The following SLC43A1 variants were observed in gnomAD, a reference collection of about 807,000 sequenced individuals.
SLC43A1 encodes the protein solute carrier family 43 member 1, also known as large neutral amino acids transporter small subunit 3.
In SLC43A1, 31 loss-of-function variants were observed where a neutral mutation model predicts 59.5. That is an observed-to-expected ratio of 0.52 (90% CI 0.39 to 0.70). The LOEUF (loss-of-function observed/expected upper bound fraction) is 0.70, where lower values mean the gene tolerates loss of function less well. SLC43A1 is among the 30% of genes least tolerant of loss of function. The probability of loss-of-function intolerance (pLI) is 0.00; values close to 1 mark genes in which losing one functional copy is unlikely to be tolerated. For synonymous variants in SLC43A1, 259 were observed against 290.9 expected (o/e 0.89, Z 1.12); for missense variants, 598 against 717.8 (o/e 0.83, Z 1.91).
At chr11:57,511,221 C>T (rs552486637) in intron 2 of SLC43A1, among the ~76,000 whole-genome samples, 8 of 151,992 alleles carry the variant, frequency 5.3e-5, no homozygotes, top group Non-Finnish European at 1.0e-4. Flanking sequence ...CCCAGGAGTT[C>T]GAGACCAGTC....
At chr11:57,503,496 G>C (rs1436495301) in intron 2 of SLC43A1, among the ~76,000 whole-genome samples, 1 of 151,860 alleles carries the variant, frequency 6.6e-6, no homozygotes, top group Non-Finnish European at 1.5e-5. Context: ...GCTACTTTTT[G>C]TATTTTTTGT....
intron 14 of SLC43A1, 91 bp from the exon 15 acceptor site, chr11:57,485,333 G>T: frequency 8.1e-7 from 1 of 1,239,416 alleles, no homozygotes; most frequent in Non-Finnish European, 1.1e-6. Context: ...TTTTTCTCCA[G>T]GTCCTGAGCC....
At chr11:57,492,051 A>G (rs1943921539) in intron 8 of SLC43A1, among the ~76,000 whole-genome samples, 189 bp from the exon 9 acceptor site, 1 of 151,948 alleles carries the variant, frequency 6.6e-6, no homozygotes, top group Admixed American at 6.6e-5. Flanking sequence ...ACATTTTTGG[A>G]TGTATGTCCT....
At chr11:57,513,260 C>A (rs999455192) in intron 2 of SLC43A1, among the ~76,000 whole-genome samples, 9 of 152,230 alleles carry the variant, frequency 5.9e-5, no homozygotes, top group African/African-American at 2.2e-4. Context: ...CATTTCCACC[C>A]AGCTCCTGAG....
intron 2 of SLC43A1, 190 bp from the exon 3 acceptor site, chr11:57,501,519 T>C (rs1944267708): frequency 1.7e-6 from 1 of 605,004 alleles, no homozygotes; most frequent in East Asian, 2.8e-5. Context: ...CCTGGGAGAG[T>C]CTTGTGCACA....
In SLC43A1 at chr11:57,515,701, G is replaced by A. The variant is rs1944673292; in HGVS notation, c.-271C>T. 1 of 152,302 alleles carries A rather than the reference G, an allele frequency of 6.6e-6. No individual in the cohort carries two copies. The highest frequency in any genetic ancestry group is 2.4e-5 in the African/African-American group (1 of 41,464). 9.4% of individuals were successfully genotyped at this position (152,302 alleles called of 1,614,324 possible). ...GTCTGCGAAGCTGGGCTTGGATGAAGTGGATCTGCGGAGTTGATAGTTGTA... is the reference window on the plus strand; with the variant it reads ...GTCTGCGAAGCTGGGCTTGGATGAAATGGATCTGCGGAGTTGATAGTTGTA... On this transcript the variant is annotated 5_prime_UTR_variant, in exon 1 of 15. Transcript: ENST00000278426. This position sits in a 1 kb window ranked among gnomAD's most constrained non-coding sequence, Gnocchi z 5.3.
At chr11:57,487,367 A>G in intron 13 of SLC43A1, 149 bp from the exon 14 acceptor site, 1 of 992,714 alleles carries the variant, frequency 1.0e-6, no homozygotes. Context: ...TTTGGTCCCC[A>G]GCCTTGAGGG....
At chr11:57,492,093 G>A (rs889721951) in intron 8 of SLC43A1, among the ~76,000 whole-genome samples, 1 of 151,990 alleles carries the variant, frequency 6.6e-6, no homozygotes, top group Non-Finnish European at 1.5e-5. Flanking sequence ...ACTCAGTTAG[G>A]TGCCATGGCT....
chr11:57,488,839 G>C, intron 13 of SLC43A1, 77 bp downstream of exon 13: 1 of 1,242,536 alleles, frequency 8.0e-7, no homozygotes, highest in East Asian at 2.3e-5. Context: ...GATGCCTGGG[G>C]CCCTCCCAAC....
chr11:57,491,245 C>A lies in SLC43A1; in HGVS notation c.1172G>T (p.Gly391Val). 2 of 1,596,696 alleles carry A rather than the reference C, an allele frequency of 1.3e-6. No individual in the cohort carries two copies. The highest frequency in any genetic ancestry group is 1.7e-6 in the Non-Finnish European group (2 of 1,170,034). Residue 391 changes from glycine to valine, a missense_variant, in exon 11 of 15, where the codon GGC becomes GTC. Physicochemically the swap from Gly to Val is moderately radical, Grantham distance 109. Transcript: ENST00000278426. ...IKDCVDAPTQGTVLGDARDGV... is the reference protein window; with the variant it reads ...IKDCVDAPTQVTVLGDARDGV... ...TCACCTGGCATCTCCGAGGACAGTG[C>A]CCTGAGTTGGGGCGTCCACGCAGTC...
At chr11:57,486,498 CAA>C (rs757132282) in intron 14 of SLC43A1, among the ~76,000 whole-genome samples, 2 of 114,050 alleles carry the variant, frequency 1.8e-5, no homozygotes, top group Non-Finnish European at 1.9e-5. Flanking sequence ...ACCTTCTCTA[CAA>C]AAAAAAAAAA....
chr11:57,497,881 A>C, intron 5 of SLC43A1, 36 bp from the exon 6 acceptor site: 1 of 1,538,770 alleles, frequency 6.5e-7, no homozygotes, highest in South Asian at 1.1e-5. Context: ...AGGTGGGGAC[A>C]CCGTGACCCT....
rs749771090 is a variant in SLC43A1, at chr11:57,497,745, C to T, written c.558+8G>A. ...CAAGACAAAAAGAAAACCCAGGTGG[C>T]CTCATACCTTGATTCCTGGGAACGT... is the stretch of plus-strand genomic sequence containing the variant. On this transcript the variant is annotated splice_region_variant and intron_variant, in intron 6 of 14. Coordinates refer to ENST00000278426, the MANE Select transcript of SLC43A1 (RefSeq NM_003627.6). 1 of 1,610,800 alleles carries T rather than the reference C, an allele frequency of 6.2e-7. No individual in the cohort carries two copies. Among genetic ancestry groups the T allele is most frequent in the Non-Finnish European group, 8.5e-7 (1 of 1,177,510 alleles).
Position 57,501,349 on chromosome 11 carries a change from G to A in SLC43A1, c.155-20C>T. Reference sequence around the variant, plus strand: ...TCTCAGCTGAGGAGGGGGAAGGGAGGGCTCAGCACATGACACCAGGAACAG... The same window carrying A: ...TCTCAGCTGAGGAGGGGGAAGGGAGAGCTCAGCACATGACACCAGGAACAG... On this transcript the variant is annotated intron_variant, in intron 2 of 14. Coordinates refer to ENST00000278426, the MANE Select transcript of SLC43A1 (RefSeq NM_003627.6). 1 of 1,604,152 alleles carries A rather than the reference G, an allele frequency of 6.2e-7. No individual in the cohort carries two copies. Among genetic ancestry groups the A allele is most frequent in the Non-Finnish European group, 8.5e-7 (1 of 1,179,466 alleles).
chr11:57,494,789 GGT>G (rs1944028744), intron 7 of SLC43A1, among the ~76,000 whole-genome samples: 1 of 152,048 alleles, frequency 6.6e-6, no homozygotes, highest in Non-Finnish European at 1.5e-5. Flanking sequence ...CCATTGCTGA[GGT>G]GCCTCCTACT....
At chr11:57,497,318 G>A (rs1362464525) in intron 6 of SLC43A1, among the ~76,000 whole-genome samples, 1 of 152,174 alleles carries the variant, frequency 6.6e-6, no homozygotes, top group Non-Finnish European at 1.5e-5. Context: ...CCAGGATCCA[G>A]CCTGGCATAA....
chr11:57,495,824 TAAAC>T (rs1014196952), intron 7 of SLC43A1, among the ~76,000 whole-genome samples: 5 of 150,814 alleles, frequency 3.3e-5, no homozygotes, highest in South Asian at 4.4e-4. Context: ...ACACTGCCTC[TAAAC>T]AAACAAACAA....
intron 13 of SLC43A1, 140 bp from the exon 14 acceptor site, chr11:57,487,358 T>G: frequency 9.5e-7 from 1 of 1,055,632 alleles, no homozygotes. Flanking sequence ...CATGGGCTCT[T>G]TGGTCCCCAG....
At position 57,501,165 on chromosome 11, in the gene SLC43A1, G is replaced by T. The variant is rs769410310; in HGVS notation, c.319C>A (p.Arg107=). The change falls in exon 3 of 15, where the codon CGG becomes AGG. Residue 107 remains arginine, a synonymous_variant. Coordinates refer to ENST00000278426, the MANE Select transcript of SLC43A1 (RefSeq NM_003627.6). ...CAGCCACCTCACCTGCCAACCAGCC[G>T]CACGGGTCGGGGGCCAAAGCGGTCC... ...LMDRFGPRPV[R]LVGSACFTAS... 6.2e-7 allele frequency: 1 copy of T among 1,612,238 alleles called. No homozygotes were observed. The highest frequency in any genetic ancestry group is 8.5e-7 in the Non-Finnish European group (1 of 1,179,910).
Sources: allele counts gnomAD v4.1 joint callset (sites outside exome capture counted in the v4.1 genomes callset), GRCh38; gene constraint gnomAD v4.1.1; non-coding constraint Gnocchi (gnomAD v3.1); transcripts MANE v1.5; gene names NCBI Gene and HGNC (gene_info 2026-07-23, HGNC 2026-07-21).